RIPK1: variants seen among roughly 807,000 people sequenced by gnomAD.
RIPK1 encodes the protein receptor-interacting serine/threonine-protein kinase 1.
In RIPK1, 27 loss-of-function variants were observed where a neutral mutation model predicts 62.4. The observed-to-expected ratio is 0.43, with a 90% CI of 0.32 to 0.60. RIPK1 has a LOEUF of 0.60. RIPK1 is among the 20% of genes least tolerant of loss of function. RIPK1 has a pLI of 0.07. For synonymous variants in RIPK1, 287 were observed against 303.2 expected (o/e 0.95, Z 0.55); for missense variants, 735 against 831.0 (o/e 0.88, Z 1.42).
In RIPK1 at chr6:3,083,135, T is replaced by C. The variant is rs756550169; in HGVS notation, c.510T>C (p.Asn170=). 21 of 1,613,832 alleles carry C rather than the reference T, an allele frequency of 1.3e-5. 1 individual carries two copies. Among genetic ancestry groups the C allele is most frequent in the Middle Eastern group, 1.6e-4 (1 of 6,082 alleles). The change falls in exon 5 of 11, where the codon AAT becomes AAC. Residue 170 remains asparagine, a synonymous_variant. Transcript: ENST00000259808. ...TTAAGATGTGGAGCAAACTGAATAA[T>C]GAAGAGCACAATGAGCTGAGGGAAG... The part of the protein sequence containing the change: ...ASFKMWSKLN[N]EEHNELREVD...
chr6:3,064,290 C>A (rs1251838085), upstream of RIPK1, among the ~76,000 whole-genome samples: 3 of 152,156 alleles, frequency 2.0e-5, no homozygotes, highest in African/African-American at 7.2e-5. Context: ...CCGCCCTCCC[C>A]GGCGCCTCCT....
At chr6:3,070,432 C>T (rs1039095465) in intron 1 of RIPK1, among the ~76,000 whole-genome samples, 3 of 152,078 alleles carry the variant, frequency 2.0e-5, no homozygotes, top group African/African-American at 7.2e-5. Context: ...TTCAAAAATA[C>T]ATGAGCCGTG....
intron 1 of RIPK1, 60 bp downstream of exon 1, chr6:3,068,721 AC>A (rs912028653): frequency 2.2e-5 from 21 of 960,896 alleles, no homozygotes; most frequent in African/African-American, 1.6e-4. Flanking sequence ...AGTCCCGGTG[AC>A]CCCCCTGGTC....
chr6:3,083,328 AC>A lies in RIPK1; in HGVS notation c.688+16del, dbSNP rs1486985724. 1 of 1,596,722 alleles carries A rather than the reference AC, an allele frequency of 6.3e-7. No homozygotes were observed. Among genetic ancestry groups the A allele is most frequent in the African/African-American group, 1.3e-5 (1 of 74,366 alleles). ...GCCATATGAAAGTAAGGCATTACTT[AC>A]TTTCCACTGCCGTCCCCTCAGCATC... On this transcript the variant is annotated intron_variant, in intron 5 of 10. Transcript: ENST00000259808.
chr6:3,077,968 G>A (rs748758175), intron 3 of RIPK1, 33 bp downstream of exon 3: 1 of 1,609,462 alleles, frequency 6.2e-7, no homozygotes, highest in Admixed American at 1.7e-5. Context: ...GGGATCCCCA[G>A]CGCTTGGGCC....
upstream of RIPK1, among the ~76,000 whole-genome samples, chr6:3,066,683 T>C (rs903198426): frequency 6.6e-6 from 1 of 152,196 alleles, no homozygotes; most frequent in African/African-American, 2.4e-5. Context: ...TGTGGAATAT[T>C]TGTCACACCT....
At chr6:3,087,007 T>G (rs1344225338) in intron 6 of RIPK1, among the ~76,000 whole-genome samples, 2 of 152,256 alleles carry the variant, frequency 1.3e-5, no homozygotes, top group African/African-American at 4.8e-5. Flanking sequence ...CAAACCTTCC[T>G]GATTCTCCAA....
intron 9 of RIPK1, among the ~76,000 whole-genome samples, chr6:3,110,330 T>A (rs1428800209): frequency 6.6e-6 from 1 of 151,244 alleles, no homozygotes; most frequent in Non-Finnish European, 1.5e-5. Context: ...TGCCTCAGCC[T>A]CCTGAGTAGC....
chr6:3,065,086 A>AG (rs1019884912), upstream of RIPK1, among the ~76,000 whole-genome samples: 1 of 151,606 alleles, frequency 6.6e-6, no homozygotes, highest in Non-Finnish European at 1.5e-5. Flanking sequence ...ACTAAAAAAA[A>AG]GAAAAAAAAG....
At chr6:3,066,144 C>A (rs990422759), upstream of RIPK1, among the ~76,000 whole-genome samples, 10 of 152,192 alleles carry the variant, frequency 6.6e-5, 1 homozygote, top group African/African-American at 2.4e-4. Flanking sequence ...CCGCCTCAGC[C>A]TCCTGAGTAG....
chr6:3,099,413 A>G (rs1264621804), intron 7 of RIPK1, among the ~76,000 whole-genome samples: 1 of 152,118 alleles, frequency 6.6e-6, no homozygotes, highest in South Asian at 2.1e-4. Flanking sequence ...GCGTGGTGGC[A>G]GGCACCTGCA....
chr6:3,082,241 G>C (rs555900619), intron 4 of RIPK1, among the ~76,000 whole-genome samples: 1 of 152,334 alleles, frequency 6.6e-6, no homozygotes, highest in East Asian at 1.9e-4. Flanking sequence ...CTTTGTCCTA[G>C]TCTTGGACAA....
rs1005095119 is a variant in RIPK1, at chr6:3,114,916, G to A, written c.*1577G>A. 2.1e-4 allele frequency: 32 copies of A among 152,136 alleles called. No homozygotes were observed. Among genetic ancestry groups the A allele is most frequent in the African/African-American group, 7.2e-4 (30 of 41,504 alleles). The allele number at this position is 152,136 out of a possible 1,614,324, so 9.4% of individuals were successfully genotyped here. A position where few individuals can be genotyped will look rare whatever the true frequency, so the allele number is the denominator to read the frequency against. On this transcript the variant is annotated 3_prime_UTR_variant, in exon 11 of 11. Coordinates refer to ENST00000259808, the MANE Select transcript of RIPK1 (RefSeq NM_001354930.2). The surrounding 1 kb of genome is among the most constrained non-coding windows in gnomAD (Gnocchi z 5.0). ...TGCCCCGGTTGAGAAGAGCACTGCT[G>A]TAAAGTAATGAGCCTCGGCTCTCCT...
intron 1 of RIPK1, among the ~76,000 whole-genome samples, chr6:3,073,916 G>A (rs149986838): frequency 5.3e-5 from 8 of 152,302 alleles, no homozygotes; most frequent in Admixed American, 2.0e-4. Context: ...TTGCTTCATC[G>A]TGTAATTCTC....
rs1049389311 is a variant in RIPK1, at chr6:3,072,967, G to A, written c.-60-3797G>A. 6.6e-6 allele frequency among the ~76,000 whole-genome samples: 1 copy of A among 152,152 alleles called. No homozygotes were observed. Among genetic ancestry groups the A allele is most frequent in the Non-Finnish European group, 1.5e-5 (1 of 68,026 alleles). On this transcript the variant is annotated intron_variant, in intron 1 of 10. Transcript: ENST00000259808. This position sits in a 1 kb window ranked among gnomAD's most constrained non-coding sequence, Gnocchi z 5.6. ...TGGTCAGTAGGGCCCTGCTGACAGA[G>A]TGATCCCAGCTGAGAATGTTGGCAT...
chr6:3,082,472 T>G (rs1759445085), intron 4 of RIPK1, among the ~76,000 whole-genome samples: 1 of 152,206 alleles, frequency 6.6e-6, no homozygotes. Context: ...GTTCTTGTTC[T>G]GTGTCTGACC....
intron 7 of RIPK1, among the ~76,000 whole-genome samples, chr6:3,095,419 A>G (rs758595683): frequency 6.6e-6 from 1 of 152,260 alleles, no homozygotes; most frequent in African/African-American, 2.4e-5. Context: ...TCTAGATAAT[A>G]GAGAAGAGAG....
At chr6:3,094,968 G>C (rs1760207641) in intron 7 of RIPK1, among the ~76,000 whole-genome samples, 1 of 152,082 alleles carries the variant, frequency 6.6e-6, no homozygotes. Flanking sequence ...TGAGATGGGA[G>C]GACTGCTTGA....
Position 3,110,797 on chromosome 6 carries a change from A to G in RIPK1, c.1577-6A>G. 2 of 1,549,896 alleles carry G rather than the reference A, an allele frequency of 1.3e-6. No individual in the cohort carries two copies. The highest frequency in any genetic ancestry group is 1.7e-4 in the Middle Eastern group (1 of 5,930). ...ATTACTTACCTGTGTGTTTCTCTCT[A>G]TGCAGATGAATCTATAAAATATACC... On this transcript the variant is annotated splice_region_variant and splice_polypyrimidine_tract_variant and intron_variant, in intron 9 of 10. Coordinates refer to ENST00000259808, the MANE Select transcript of RIPK1 (RefSeq NM_001354930.2).
Sources: gnomAD v4.1 joint callset for allele counts (sites outside exome capture counted in the v4.1 genomes callset) on GRCh38, gnomAD v4.1.1 for gene constraint, Gnocchi (gnomAD v3.1) non-coding constraint, MANE v1.5 for transcripts, NCBI Gene and HGNC (gene_info 2026-07-23, HGNC 2026-07-21) for gene names.